The following DAB1 variants were observed in gnomAD, a reference collection of about 807,000 sequenced individuals.
DAB1 encodes the protein DAB adaptor protein 1.
DAB1 carries 15 observed loss-of-function variants against 64.6 expected under a neutral mutation model. The ratio of observed to expected loss-of-function variants is 0.23; its 90% CI spans 0.16 to 0.36. The LOEUF (loss-of-function observed/expected upper bound fraction) is 0.36. Among genes scored for constraint, DAB1 ranks in the 10% least tolerant of loss-of-function variants. The pLI, the probability that DAB1 is intolerant of heterozygous loss-of-function variation, is 1.00. For synonymous variants in DAB1, 235 were observed against 251.9 expected (o/e 0.93, Z 0.64); for missense variants, 596 against 706.7 (o/e 0.84, Z 1.78).
intron 5 of DAB1, among the ~76,000 whole-genome samples, chr1:57,896,970 A>T (rs1399398791): frequency 6.6e-6 from 1 of 152,166 alleles, no homozygotes; most frequent in Non-Finnish European, 1.5e-5. Context: ...CAATTCAAAG[A>T]TGCTATCTGG....
chr1:58,364,319 G>A (rs1644195567), intron 3 of DAB1, among the ~76,000 whole-genome samples: 1 of 152,218 alleles, frequency 6.6e-6, no homozygotes, highest in Non-Finnish European at 1.5e-5. Context: ...AAGGTAATGA[G>A]CTATTCCTGG....
At chr1:58,269,217 A>T (rs1661252696) in intron 4 of DAB1, among the ~76,000 whole-genome samples, 1 of 141,398 alleles carries the variant, frequency 7.1e-6, no homozygotes, top group East Asian at 2.2e-4. Context: ...TCCTGTGTCC[A>T]TGTGATCTCA....
Position 57,062,934 on chromosome 1 carries a change from T to C in DAB1, c.673A>G (p.Ser225Gly), listed in dbSNP as rs749474122. The C allele has an allele frequency of 6.2e-7, 1 of 1,614,128 alleles. No homozygotes were observed. The highest frequency in any genetic ancestry group is 8.5e-7 in the Non-Finnish European group (1 of 1,179,948). The part of the protein sequence containing the change: ...TEENIYQVPT[S>G]QKKEGVYDVP... ...TCATAAACACCTTCCTTCTTTTGGC[T>C]GGTGGGAACCTATGGAAAAATTAAA... Residue 225 changes from serine (S) to glycine (G), a missense_variant, in exon 9 of 15, where the codon AGC becomes GGC. Ser to Gly is a moderately conservative substitution (Grantham distance 56, BLOSUM62 0). This residue lies in a region of DAB1 where 176 missense variants were observed against 266.7 expected (regional missense o/e 0.66). Coordinates refer to ENST00000371236, the MANE Select transcript of DAB1 (RefSeq NM_001365792.1).
At chr1:58,300,592 G>GA (rs1203618223) in intron 4 of DAB1, among the ~76,000 whole-genome samples, 2 of 33,900 alleles carry the variant, frequency 5.9e-5, no homozygotes. Flanking sequence ...AAGAAAGAAA[G>GA]AAAGAAAGAA....
chr1:57,253,152 G>T (rs1669481103), intron 2 of DAB1, among the ~76,000 whole-genome samples: 1 of 152,186 alleles, frequency 6.6e-6, no homozygotes, highest in Admixed American at 6.5e-5. Flanking sequence ...AAGGGCAGGG[G>T]GCACATTCGG....
At chr1:57,856,280 T>C (rs566885812) in intron 1 of DAB1, among the ~76,000 whole-genome samples, 1 of 152,232 alleles carries the variant, frequency 6.6e-6, no homozygotes, top group Admixed American at 6.5e-5. Flanking sequence ...GCAGGATGCT[T>C]CTTTTCAGCC....
At chr1:58,161,482 C>T (rs1292853409) in intron 4 of DAB1, among the ~76,000 whole-genome samples, 16 of 152,162 alleles carry the variant, frequency 1.1e-4, no homozygotes, top group Non-Finnish European at 2.4e-4. Context: ...AACTATATTG[C>T]AGCTGAAGCA....
intron 6 of DAB1, among the ~76,000 whole-genome samples, chr1:57,735,724 AC>A (rs2101781547): frequency 1.3e-5 from 2 of 148,358 alleles, no homozygotes; most frequent in South Asian, 4.3e-4. Flanking sequence ...TTTTGTCTTG[AC>A]TTTTGTTCAC....
intron 14 of DAB1, among the ~76,000 whole-genome samples, chr1:57,008,539 A>C (rs1214130986): frequency 6.6e-6 from 1 of 152,156 alleles, no homozygotes; most frequent in Non-Finnish European, 1.5e-5. Context: ...TATTTAGTTC[A>C]CATAATAACC....
chr1:57,535,624 G>C (rs1644717973), intron 7 of DAB1, among the ~76,000 whole-genome samples: 1 of 151,928 alleles, frequency 6.6e-6, no homozygotes, highest in Admixed American at 6.6e-5. Context: ...CACCACGCCT[G>C]GCTAATTTTT....
intron 3 of DAB1, among the ~76,000 whole-genome samples, chr1:58,448,605 A>T (rs971848797): frequency 2.6e-5 from 4 of 152,198 alleles, no homozygotes; most frequent in African/African-American, 9.7e-5. Flanking sequence ...AAGGAGCTCC[A>T]ATTATAGGAG....
chr1:58,161,358 G>A (rs751201799), intron 4 of DAB1, among the ~76,000 whole-genome samples: 42 of 152,140 alleles, frequency 2.8e-4, no homozygotes, highest in Non-Finnish European at 3.7e-4. Context: ...TTTATTTCTA[G>A]GACTTGGGAA....
chr1:58,430,801 C>T (rs1644862632), intron 3 of DAB1, among the ~76,000 whole-genome samples: 1 of 152,338 alleles, frequency 6.6e-6, no homozygotes, highest in Admixed American at 6.5e-5. Context: ...TCCCATATGG[C>T]TCAGGACTGA....
chr1:58,137,817 A>G (rs536629698), intron 5 of DAB1, among the ~76,000 whole-genome samples: 2 of 152,302 alleles, frequency 1.3e-5, no homozygotes, highest in East Asian at 3.9e-4. Context: ...AGTGTCACAA[A>G]TAGAGAACAT....
intron 1 of DAB1, among the ~76,000 whole-genome samples, chr1:57,304,438 T>C (rs1430398469): frequency 6.6e-6 from 1 of 151,784 alleles, no homozygotes; most frequent in Admixed American, 6.6e-5. Context: ...ACCACTGTTA[T>C]CTGGTGTCTG....
At chr1:57,007,461 CT>C (rs1646114544) in intron 14 of DAB1, among the ~76,000 whole-genome samples, 1 of 152,070 alleles carries the variant, frequency 6.6e-6, no homozygotes, top group African/African-American at 2.4e-5. Flanking sequence ...CTTTTTTGCC[CT>C]TGTTGACCCA....
chr1:57,218,515 T>TAAAAAAAAAAAAAAAAA (rs776398255), intron 2 of DAB1, among the ~76,000 whole-genome samples: 3 of 71,452 alleles, frequency 4.2e-5, no homozygotes, highest in African/African-American at 1.5e-4. Context: ...CCCCCATCTC[T>TAAAAAAAAAAAAAAAAA]AAAAAAAAAA....
At chr1:57,117,905 G>C (rs567373930) in intron 4 of DAB1, among the ~76,000 whole-genome samples, 119 of 152,206 alleles carry the variant, frequency 7.8e-4, no homozygotes, top group African/African-American at 2.1e-3. Context: ...TGGTAGGCTG[G>C]TCCTGACGTT....
intron 5 of DAB1, among the ~76,000 whole-genome samples, chr1:57,988,322 C>T (rs1417306765): frequency 6.6e-6 from 1 of 152,220 alleles, no homozygotes; most frequent in Admixed American, 6.5e-5. Flanking sequence ...ATTCTGCCCC[C>T]CCACTCACTC....
Sources: gnomAD v4.1 joint callset for allele counts (sites outside exome capture counted in the v4.1 genomes callset) on GRCh38, gnomAD v4.1.1 for gene constraint, gnomAD v4.1.1 regional missense constraint, MANE v1.5 for transcripts, NCBI Gene and HGNC (gene_info 2026-07-23, HGNC 2026-07-21) for gene names.